The following TMEM215 variants were observed in gnomAD, a reference collection of about 807,000 sequenced individuals.
TMEM215 encodes the protein transmembrane protein 215.
Under a neutral mutation model 14.7 loss-of-function variants are expected in TMEM215, and 12 were observed. The ratio of observed to expected loss-of-function variants is 0.82; its 90% CI spans 0.52 to 1.33. The LOEUF (loss-of-function observed/expected upper bound fraction) is 1.33. TMEM215 is among the 40% of genes most tolerant of loss of function. The pLI, the probability that TMEM215 is intolerant of heterozygous loss-of-function variation, is 0.00. For missense variants in TMEM215, 276 were observed against 296.2 expected, an observed-to-expected ratio of 0.93 and a Z score of 0.50; for synonymous variants, 122 against 124.8, an observed-to-expected ratio of 0.98 and a Z score of 0.15.
rs936719524 is a variant in TMEM215 at position 32,785,253 on chromosome 9, G to A, written c.*362G>A. The A allele has an allele frequency of 9.5e-6, 2 of 211,406 alleles. No individual in the cohort carries two copies. The highest frequency in any genetic ancestry group is 4.7e-5 in the African/African-American group (2 of 42,812). 13.1% of individuals were successfully genotyped at this position (211,406 alleles called of 1,614,324 possible). On this transcript the variant is annotated 3_prime_UTR_variant, in exon 2 of 2. Coordinates refer to ENST00000342743, the MANE Select transcript of TMEM215 (RefSeq NM_212558.3). ...GGGCTGCAGATGTGAGGCATCAAAT[G>A]ATGCATGAGCTGACCACAGGGAAAC...
At position 32,785,156 on chromosome 9, in the gene TMEM215, A is replaced by C; in HGVS notation, c.*265A>C. 2.4e-6 allele frequency: 1 copy of C among 417,516 alleles called. No homozygotes were observed. Among genetic ancestry groups the C allele is most frequent in the Non-Finnish European group, 4.4e-6 (1 of 225,032 alleles). 25.9% of individuals were successfully genotyped at this position (417,516 alleles called of 1,614,324 possible). ...CAGTTGCTTCTTAACAATTTACACA[A>C]TGTTAAATGTTTTGTAAAATAACCC... On this transcript the variant is annotated 3_prime_UTR_variant, in exon 2 of 2. Transcript: ENST00000342743.
rs1339713193 is a variant in TMEM215, at chr9:32,786,279, T to C, written c.*1388T>C. Reference sequence around the variant, plus strand: ...TAAGTGATCATATAGTCTTAGTCACTTTCTCCCAAAAGGGGAATTGAGGAC... The same window carrying C: ...TAAGTGATCATATAGTCTTAGTCACCTTCTCCCAAAAGGGGAATTGAGGAC... On this transcript the variant is annotated 3_prime_UTR_variant, in exon 2 of 2. Coordinates refer to ENST00000342743, the MANE Select transcript of TMEM215 (RefSeq NM_212558.3). 1 of 167,032 alleles carries C rather than the reference T, an allele frequency of 6.0e-6. No homozygotes were observed. The highest frequency in any genetic ancestry group is 1.5e-5 in the Non-Finnish European group (1 of 68,070). 10.3% of individuals were successfully genotyped at this position (167,032 alleles called of 1,614,324 possible). A position where few individuals can be genotyped will look rare whatever the true frequency, so the allele number is the denominator to read the frequency against.
At position 32,785,185 on chromosome 9, in the gene TMEM215, A is replaced by C; in HGVS notation, c.*294A>C. 3.0e-6 allele frequency: 1 copy of C among 330,272 alleles called. No homozygotes were observed. Among genetic ancestry groups the C allele is most frequent in the Non-Finnish European group, 5.9e-6 (1 of 170,882 alleles). The allele number at this position is 330,272 out of a possible 1,614,324, so 20.5% of individuals were successfully genotyped here. A position where few individuals can be genotyped will look rare whatever the true frequency, so the allele number is the denominator to read the frequency against. On this transcript the variant is annotated 3_prime_UTR_variant, in exon 2 of 2. Coordinates refer to ENST00000342743, the MANE Select transcript of TMEM215 (RefSeq NM_212558.3). Reference sequence around the variant, plus strand: ...TAAATGTTTTGTAAAATAACCCAAAAAGTGCTATCCAGAACCAGCTGAGAG... The same window carrying C: ...TAAATGTTTTGTAAAATAACCCAAACAGTGCTATCCAGAACCAGCTGAGAG...
At position 32,786,959 on chromosome 9, in the gene TMEM215, A is replaced by G. The variant is rs1289538810; in HGVS notation, c.*2068A>G. On this transcript the variant is annotated 3_prime_UTR_variant, in exon 2 of 2. Transcript: ENST00000342743. ...TTGTAATGCATTTTGAAAACAGAGA[A>G]TCATATTTTTATAATGGTGAGAACT... The G allele has an allele frequency of 6.0e-6, 1 of 166,992 alleles. No individual in the cohort carries two copies. The highest frequency in any genetic ancestry group is 6.5e-5 in the Admixed American group (1 of 15,286). The allele number at this position is 166,992 out of a possible 1,614,324, so 10.3% of individuals were successfully genotyped here.
chr9:32,786,954 A>T lies in TMEM215; in HGVS notation c.*2063A>T, dbSNP rs1331237327. On this transcript the variant is annotated 3_prime_UTR_variant, in exon 2 of 2. Coordinates refer to ENST00000342743, the MANE Select transcript of TMEM215 (RefSeq NM_212558.3). Reference sequence around the variant, plus strand: ...AATAATTGTAATGCATTTTGAAAACAGAGAATCATATTTTTATAATGGTGA... The same window carrying T: ...AATAATTGTAATGCATTTTGAAAACTGAGAATCATATTTTTATAATGGTGA... 1 of 167,036 alleles carries T rather than the reference A, an allele frequency of 6.0e-6. No individual in the cohort carries two copies. Among genetic ancestry groups the T allele is most frequent in the Non-Finnish European group, 1.5e-5 (1 of 68,052 alleles). The allele number at this position is 167,036 out of a possible 1,614,324, so 10.3% of individuals were successfully genotyped here.
rs1824528949 is a variant in TMEM215 at position 32,788,217 on chromosome 9, C to A, written c.*3326C>A. Among the ~76,000 whole-genome samples, 1 of 152,122 alleles carries A rather than the reference C, an allele frequency of 6.6e-6. No homozygotes were observed. The highest frequency in any genetic ancestry group is 1.5e-5 in the Non-Finnish European group (1 of 67,996). On this transcript the variant is annotated 3_prime_UTR_variant, in exon 2 of 2. Transcript: ENST00000342743. The stretch of plus-strand genomic sequence containing the variant: ...ATTTATTAATAGCCTCCCTCTGTAC[C>A]CATAACATCATTTATTTGGTGAATT...
rs1310533110 is a variant in TMEM215 at position 32,789,167 on chromosome 9, C to A, written c.*4276C>A. 6.6e-6 allele frequency among the ~76,000 whole-genome samples: 1 copy of A among 152,050 alleles called. No individual in the cohort carries two copies. Among genetic ancestry groups the A allele is most frequent in the East Asian group, 1.9e-4 (1 of 5,190 alleles). On this transcript the variant is annotated 3_prime_UTR_variant, in exon 2 of 2. Transcript: ENST00000342743. The stretch of plus-strand genomic sequence containing the variant: ...AAATGGGGACAAATGCTTGGTTTGC[C>A]CAAATATCTTAATAAAAGACTAGAT...
chr9:32,784,343 A>T lies in TMEM215; in HGVS notation c.160A>T (p.Ile54Phe). Residue 54 changes from isoleucine to phenylalanine, a missense_variant, in exon 2 of 2, where the codon ATC becomes TTC. Coordinates refer to ENST00000342743, the MANE Select transcript of TMEM215 (RefSeq NM_212558.3). Reference protein sequence around the residue: ...AIGPAICLPGIAAIALARKTE... With the variant: ...AIGPAICLPGFAAIALARKTE... ...CGGGCCAGCCATCTGCCTACCAGGCATCGCAGCCATTGCCCTGGCCAGGAA... is the reference window on the plus strand; with the variant it reads ...CGGGCCAGCCATCTGCCTACCAGGCTTCGCAGCCATTGCCCTGGCCAGGAA... 1 of 1,614,248 alleles carries T rather than the reference A, an allele frequency of 6.2e-7. No homozygotes were observed. The highest frequency in any genetic ancestry group is 8.5e-7 in the Non-Finnish European group (1 of 1,180,046).
Position 32,785,108 on chromosome 9 carries a change from G to A in TMEM215, c.*217G>A, listed in dbSNP as rs926716635. 15 of 539,120 alleles carry A rather than the reference G, an allele frequency of 2.8e-5. No individual in the cohort carries two copies. The African/African-American group carries it at 2.9e-4, about 10-fold the overall frequency. 33.4% of individuals were successfully genotyped at this position (539,120 alleles called of 1,614,324 possible). A position where few individuals can be genotyped will look rare whatever the true frequency, so the allele number is the denominator to read the frequency against. ...AGGGTTAAGGACACTGGAAGAGGCA[G>A]TGGGTAGGAAAGGAAGCTACTCCAG... On this transcript the variant is annotated 3_prime_UTR_variant, in exon 2 of 2. Transcript: ENST00000342743.
rs749445542 is a variant in TMEM215, at chr9:32,784,931, T to C, written c.*40T>C. On this transcript the variant is annotated 3_prime_UTR_variant, in exon 2 of 2. Transcript: ENST00000342743. The stretch of plus-strand genomic sequence containing the variant: ...GGTGGCTGGATTGATAGAATATGAC[T>C]AAGCCCAGCTCCCCGTGGAAGCAAA... 2.6e-6 allele frequency: 4 copies of C among 1,531,660 alleles called. No individual in the cohort carries two copies. The highest frequency in any genetic ancestry group is 2.4e-5 in the South Asian group (2 of 84,132). 94.9% of individuals were successfully genotyped at this position (1,531,660 alleles called of 1,614,324 possible).
chr9:32,787,732 G>A lies in TMEM215; in HGVS notation c.*2841G>A, dbSNP rs890532838. 6.6e-6 allele frequency among the ~76,000 whole-genome samples: 1 copy of A among 152,094 alleles called. No homozygotes were observed. Among genetic ancestry groups the A allele is most frequent in the Admixed American group, 6.5e-5 (1 of 15,268 alleles). ...TATCAATATAATAGACATGAGGATT[G>A]TTCCTGGTAGCCTTCAAGAGCTCCT... is the stretch of plus-strand genomic sequence containing the variant. On this transcript the variant is annotated 3_prime_UTR_variant, in exon 2 of 2. Transcript: ENST00000342743.
Position 32,788,441 on chromosome 9 carries a change from T to C in TMEM215, c.*3550T>C, listed in dbSNP as rs1041462483. Among the ~76,000 whole-genome samples the C allele has an allele frequency of 6.6e-6, 1 of 152,250 alleles. No homozygotes were observed. The highest frequency in any genetic ancestry group is 2.4e-5 in the African/African-American group (1 of 41,474). ...GAATTATATTCCATGCATGTTTCCA[T>C]GTTTCTATGTAGTATTTCTAATTAT... On this transcript the variant is annotated 3_prime_UTR_variant, in exon 2 of 2. Transcript: ENST00000342743.
In TMEM215 at chr9:32,784,459, A is replaced by G; in HGVS notation, c.276A>G (p.Val92=). The G allele has an allele frequency of 6.2e-7, 1 of 1,614,128 alleles. No homozygotes were observed. Among genetic ancestry groups the G allele is most frequent in the Non-Finnish European group, 8.5e-7 (1 of 1,180,026 alleles). ...CFRKPKDKEV[V]ELLRTPSDLE... The stretch of plus-strand genomic sequence containing the variant: ...GGAAACCCAAAGACAAGGAGGTGGT[A>G]GAGCTGCTGAGGACCCCTTCAGACC... Residue 92 remains valine (V), a synonymous_variant, in exon 2 of 2, where the codon GTA becomes GTG. Transcript: ENST00000342743.
chr9:32,784,570 G>T lies in TMEM215; in HGVS notation c.387G>T (p.Val129=), dbSNP rs138801007. The T allele has an allele frequency of 3.7e-6, 6 of 1,613,728 alleles. No homozygotes were observed. In the Admixed American group the frequency reaches 1.0e-4, roughly 27 times the overall value. The change falls in exon 2 of 2, where the codon GTG becomes GTT. Residue 129 remains valine, a synonymous_variant. Transcript: ENST00000342743. ...GKPPPQSQGE[V]SVASSINSPT... ...CTCCCCCACAAAGCCAGGGTGAGGT[G>T]TCCGTGGCCAGCTCCATCAACAGCC...
Position 32,784,965 on chromosome 9 carries a change from CTTGG to C in TMEM215, c.*75_*78del. 9.6e-6 allele frequency: 12 copies of C among 1,249,978 alleles called. No individual in the cohort carries two copies. Among genetic ancestry groups the C allele is most frequent in the South Asian group, 1.4e-5 (1 of 73,648 alleles). 77.4% of individuals were successfully genotyped at this position (1,249,978 alleles called of 1,614,324 possible). A position where few individuals can be genotyped will look rare whatever the true frequency, so the allele number is the denominator to read the frequency against. On this transcript the variant is annotated 3_prime_UTR_variant, in exon 2 of 2. Coordinates refer to ENST00000342743, the MANE Select transcript of TMEM215 (RefSeq NM_212558.3). ...CTCCCCGTGGAAGCAAATTGCTCTG[CTTGG>C]AGAGCCTTCACACTGTTAGAAATTG...
rs1237302026 is a variant in TMEM215, at chr9:32,783,541, G to A, written c.-323G>A. 1 of 153,220 alleles carries A rather than the reference G, an allele frequency of 6.5e-6. No homozygotes were observed. Among genetic ancestry groups the A allele is most frequent in the African/African-American group, 2.4e-5 (1 of 41,464 alleles). The allele number at this position is 153,220 out of a possible 1,614,324, so 9.5% of individuals were successfully genotyped here. A position where few individuals can be genotyped will look rare whatever the true frequency, so the allele number is the denominator to read the frequency against. On this transcript the variant is annotated 5_prime_UTR_variant, in exon 1 of 2. Coordinates refer to ENST00000342743, the MANE Select transcript of TMEM215 (RefSeq NM_212558.3). ...CTCGCGCCGCGTCCCCTCTTTCCCAGACTCAGTGCTCCCTCCTCCTCCCGC... is the reference window on the plus strand; with the variant it reads ...CTCGCGCCGCGTCCCCTCTTTCCCAAACTCAGTGCTCCCTCCTCCTCCCGC...
intron 1 of TMEM215, 37 bp from the exon 2 acceptor site, chr9:32,784,089 A>T: frequency 8.2e-7 from 1 of 1,224,978 alleles, no homozygotes; most frequent in Non-Finnish European, 1.1e-6. Context: ...CTTGACTTGG[A>T]TTTTTTTTTA....
Position 32,788,248 on chromosome 9 carries a change from TTATTAATACTAG to T in TMEM215, c.*3362_*3373del, listed in dbSNP as rs377024330. Among the ~76,000 whole-genome samples the T allele has an allele frequency of 6.6e-5, 10 of 152,308 alleles. No homozygotes were observed. The highest frequency in any genetic ancestry group is 3.4e-3 in the Middle Eastern group (1 of 294). ...CATCATTTATTTGGTGAATTCACTGTTATTAATACTAGTATTTTATCACAGTAAAGAAAAGGT... is the reference window on the plus strand; with the variant it reads ...CATCATTTATTTGGTGAATTCACTGTTATTTTATCACAGTAAAGAAAAGGT... On this transcript the variant is annotated 3_prime_UTR_variant, in exon 2 of 2. Coordinates refer to ENST00000342743, the MANE Select transcript of TMEM215 (RefSeq NM_212558.3).
chr9:32,784,660 C>T lies in TMEM215; in HGVS notation c.477C>T (p.Ser159=), dbSNP rs1824484238. ...AGAATGGGCATCAGGAGGAGACGTC[C>T]AGATACCTGGACGGCTACTGCCCCT... ...LVQNGHQEET[S]RYLDGYCPSG... The change falls in exon 2 of 2, where the codon TCC becomes TCT. Residue 159 remains serine, a synonymous_variant. Coordinates refer to ENST00000342743, the MANE Select transcript of TMEM215 (RefSeq NM_212558.3). The T allele has an allele frequency of 6.2e-7, 1 of 1,613,912 alleles. No homozygotes were observed. The highest frequency in any genetic ancestry group is 1.3e-5 in the African/African-American group (1 of 74,896).
Sources: gnomAD v4.1 joint callset for allele counts (sites outside exome capture counted in the v4.1 genomes callset) on GRCh38, gnomAD v4.1.1 for gene constraint, MANE v1.5 for transcripts, NCBI Gene and HGNC (gene_info 2026-07-23, HGNC 2026-07-21) for gene names.